Variants in ZNF723 observed in about 807,000 individuals in gnomAD.
ZNF723 encodes the protein zinc finger protein 723, pseudogene.
ZNF723 carries 5 observed loss-of-function variants against 9.4 expected under a neutral mutation model. The ratio of observed to expected loss-of-function variants is 0.53; its 90% CI spans 0.28 to 1.12. The LOEUF is 1.12. Ranked by LOEUF, ZNF723 falls within the 50% of genes most tolerant of loss-of-function variation. The probability of loss-of-function intolerance (pLI) is 0.10; values close to 1 mark genes in which losing one functional copy is unlikely to be tolerated. For synonymous variants in ZNF723, 158 were observed against 168.8 expected (o/e 0.94, Z 0.49); for missense variants, 450 against 501.5 (o/e 0.90, Z 0.98).
intron 3 of ZNF723, among the ~76,000 whole-genome samples, chr19:22,849,744 A>T (rs878953102): frequency 6.6e-6 from 1 of 152,040 alleles, no homozygotes; most frequent in Non-Finnish European, 1.5e-5. Context: ...CCCCTTCTCT[A>T]CCAAAAATAC....
chr19:22,842,314 AAG>A (rs1190476301), intron 1 of ZNF723, among the ~76,000 whole-genome samples: 29 of 152,158 alleles, frequency 1.9e-4, no homozygotes, highest in African/African-American at 6.5e-4. Flanking sequence ...GTCCTGAACT[AAG>A]AGTTTTTTTT....
chr19:22,854,979 G>A (rs940662175), intron 3 of ZNF723, among the ~76,000 whole-genome samples: 1 of 152,094 alleles, frequency 6.6e-6, no homozygotes, highest in Admixed American at 6.5e-5. Flanking sequence ...CCCAGAAGGT[G>A]GAGGTCACAG....
At chr19:22,814,334 G>A in the ZNF723 span, among the ~76,000 whole-genome samples, 2 of 152,180 alleles carry the variant, frequency 1.3e-5, no homozygotes, top group Non-Finnish European at 2.9e-5. Context: ...GCACACAGGT[G>A]AGATTATCAC....
intron 1 of ZNF723, among the ~76,000 whole-genome samples, chr19:22,835,134 G>T (rs371784401): frequency 6.7e-6 from 1 of 149,230 alleles, no homozygotes. Context: ...TCTGCCTTCC[G>T]GGTTCAAGCA....
the ZNF723 span, among the ~76,000 whole-genome samples, chr19:22,823,115 C>G: frequency 6.6e-6 from 1 of 152,136 alleles, no homozygotes; most frequent in African/African-American, 2.4e-5. Context: ...AGCTCTCATT[C>G]CTGGGCTTAG....
the ZNF723 span, among the ~76,000 whole-genome samples, chr19:22,816,621 C>T: frequency 6.6e-6 from 1 of 152,260 alleles, no homozygotes; most frequent in African/African-American, 2.4e-5. Flanking sequence ...AGCAGATTTA[C>T]TGTCCTGCCT....
chr19:22,839,346 T>G (rs756474044), intron 1 of ZNF723, among the ~76,000 whole-genome samples: 3 of 152,182 alleles, frequency 2.0e-5, no homozygotes, highest in Non-Finnish European at 4.4e-5. Context: ...CTAATTCTGT[T>G]TTTAGTTCTC....
At chr19:22,824,903 C>T in the ZNF723 span, among the ~76,000 whole-genome samples, 1 of 152,162 alleles carries the variant, frequency 6.6e-6, no homozygotes, top group African/African-American at 2.4e-5. Flanking sequence ...ACTCTAATAC[C>T]TGTGCTTAGG....
intron 1 of ZNF723, among the ~76,000 whole-genome samples, chr19:22,839,857 T>A (rs780301161): frequency 1.7e-4 from 26 of 152,216 alleles, no homozygotes; most frequent in Non-Finnish European, 2.9e-4. Context: ...TTTCTTTGCA[T>A]TTCTCTAATT....
the ZNF723 span, among the ~76,000 whole-genome samples, chr19:22,814,375 A>G: frequency 6.6e-6 from 1 of 152,184 alleles, no homozygotes; most frequent in Non-Finnish European, 1.5e-5. Context: ...AACAGTAAAG[A>G]CTGTCATTCT....
chr19:22,845,909 G>GTTTTTTTTTTTTT (rs1599476419), intron 1 of ZNF723, among the ~76,000 whole-genome samples: 1 of 75,284 alleles, frequency 1.3e-5, no homozygotes, highest in African/African-American at 6.9e-5. Context: ...TTTTTTTTTA[G>GTTTTTTTTTTTTT]CTAAACACAT....
chr19:22,832,279 A>G, upstream of ZNF723: 1 of 1,195,978 alleles, frequency 8.4e-7, no homozygotes, highest in Admixed American at 2.0e-5. Flanking sequence ...GGCTTCCGGG[A>G]TTTGGCGCGG....
At chr19:22,849,633 G>A (rs1047974363) in intron 3 of ZNF723, among the ~76,000 whole-genome samples, 3 of 152,078 alleles carry the variant, frequency 2.0e-5, no homozygotes, top group African/African-American at 7.2e-5. Flanking sequence ...TGTTAGGCTG[G>A]GCAAATGTCT....
chr19:22,850,191 A>G (rs374458935), intron 3 of ZNF723, among the ~76,000 whole-genome samples: 4 of 151,436 alleles, frequency 2.6e-5, no homozygotes, highest in African/African-American at 9.7e-5. Flanking sequence ...GTTTTACATT[A>G]CTATATAAAA....
chr19:22,852,438 T>C (rs1236663286), intron 3 of ZNF723, among the ~76,000 whole-genome samples: 1 of 152,194 alleles, frequency 6.6e-6, no homozygotes, highest in Admixed American at 6.5e-5. Context: ...AATATAGTTA[T>C]GTTTGTTTCC....
intron 3 of ZNF723, among the ~76,000 whole-genome samples, chr19:22,850,494 CT>C (rs35158906): frequency 8.0e-4 from 112 of 139,364 alleles, no homozygotes; most frequent in Admixed American, 1.6e-3. Flanking sequence ...GGCGCTGGGT[CT>C]TTTTTTTTTT....
At chr19:22,834,976 AG>A (rs1967146762) in intron 1 of ZNF723, among the ~76,000 whole-genome samples, 1 of 151,874 alleles carries the variant, frequency 6.6e-6, no homozygotes, top group South Asian at 2.1e-4. Flanking sequence ...TTAACTGAGC[AG>A]GGTGGGGTGG....
At chr19:22,842,473 T>C (rs1208781256) in intron 1 of ZNF723, among the ~76,000 whole-genome samples, 1 of 152,194 alleles carries the variant, frequency 6.6e-6, no homozygotes, top group Non-Finnish European at 1.5e-5. Context: ...AAATTTCTGG[T>C]AAACAACTTT....
At chr19:22,837,276 T>TAAAAA (rs35892606) in intron 1 of ZNF723, among the ~76,000 whole-genome samples, 1 of 125,010 alleles carries the variant, frequency 8.0e-6, no homozygotes, top group Non-Finnish European at 1.7e-5. Flanking sequence ...GACTCTGGCT[T>TAAAAA]AAAAAAAAAA....
Sources: gnomAD v4.1 joint callset for allele counts (sites outside exome capture counted in the v4.1 genomes callset) on GRCh38, gnomAD v4.1.1 for gene constraint, MANE v1.5 for transcripts, NCBI Gene and HGNC (gene_info 2026-07-23, HGNC 2026-07-21) for gene names.